The following MAGI2 variants were observed in gnomAD, a reference collection of about 807,000 sequenced individuals.
MAGI2 encodes membrane-associated guanylate kinase, WW and PDZ domain-containing protein 2.
A neutral mutation model predicts 133.3 loss-of-function variants in MAGI2; 35 were observed. That is an observed-to-expected ratio of 0.26 (90% CI 0.20 to 0.35). MAGI2 has a LOEUF of 0.35. Ranked by LOEUF, MAGI2 falls within the 10% of genes least tolerant of loss-of-function variation. The pLI is 1.00. For synonymous variants in MAGI2, 729 were observed against 710.6 expected (o/e 1.03, Z -0.41); for missense variants, 1,636 against 1,863.4 (o/e 0.88, Z 2.25).
At chr7:78,190,752 A>G (rs927107493) in intron 12 of MAGI2, among the ~76,000 whole-genome samples, 6 of 152,230 alleles carry the variant, frequency 3.9e-5, no homozygotes, top group Non-Finnish European at 5.9e-5. Context: ...GAAATGGCAT[A>G]TGTAGTCCAG....
chr7:78,445,996 TC>T (rs1788092560), intron 6 of MAGI2, among the ~76,000 whole-genome samples: 1 of 151,906 alleles, frequency 6.6e-6, no homozygotes, highest in South Asian at 2.1e-4. Flanking sequence ...TTGTGCTTTT[TC>T]CTCTTCTCTT....
At chr7:79,407,883 T>C (rs1019743055) in intron 1 of MAGI2, among the ~76,000 whole-genome samples, 4 of 152,086 alleles carry the variant, frequency 2.6e-5, no homozygotes, top group Admixed American at 6.6e-5. Flanking sequence ...TACAAATCTG[T>C]TTCTATATTG....
intron 19 of MAGI2, 142 bp downstream of exon 19, chr7:78,127,055 A>G (rs1821055557): frequency 5.0e-6 from 3 of 594,630 alleles, no homozygotes; most frequent in Non-Finnish European, 8.7e-6. Context: ...TGCAGGTGTT[A>G]CCCCGATGTT....
intron 1 of MAGI2, among the ~76,000 whole-genome samples, chr7:79,101,116 A>G (rs1004420230): frequency 6.6e-6 from 1 of 152,068 alleles, no homozygotes; most frequent in Non-Finnish European, 1.5e-5. Context: ...ATTTTTCTTT[A>G]CAAAAACATT....
chr7:78,781,327 C>G (rs1346845692), intron 2 of MAGI2, among the ~76,000 whole-genome samples: 1 of 143,274 alleles, frequency 7.0e-6, no homozygotes, highest in Non-Finnish European at 1.5e-5. Flanking sequence ...TGCAGTGAGC[C>G]GAGATGTCAC....
At chr7:78,444,582 A>ACAATAATACT (rs1787947447) in intron 6 of MAGI2, among the ~76,000 whole-genome samples, 1 of 152,034 alleles carries the variant, frequency 6.6e-6, no homozygotes, top group African/African-American at 2.4e-5. Context: ...ACTGATTAGT[A>ACAATAATACT]TTATTGTATT....
chr7:78,451,210 T>C (rs1451296102), intron 6 of MAGI2, among the ~76,000 whole-genome samples: 1 of 152,116 alleles, frequency 6.6e-6, no homozygotes, highest in African/African-American at 2.4e-5. Flanking sequence ...TGCCTATTTT[T>C]GTGCCCTTCC....
At chr7:79,169,513 T>C (rs1460695975) in intron 1 of MAGI2, among the ~76,000 whole-genome samples, 1 of 152,072 alleles carries the variant, frequency 6.6e-6, no homozygotes, top group Non-Finnish European at 1.5e-5. Flanking sequence ...GAAGACATAG[T>C]CTCACTGGCA....
At chr7:78,923,005 C>G (rs1270221208) in intron 2 of MAGI2, among the ~76,000 whole-genome samples, 1 of 152,114 alleles carries the variant, frequency 6.6e-6, no homozygotes. Context: ...TGAGAAGTGT[C>G]TGTTCATATC....
chr7:78,021,465 T>G (rs1231610378), intron 21 of MAGI2, among the ~76,000 whole-genome samples: 2 of 152,212 alleles, frequency 1.3e-5, no homozygotes, highest in African/African-American at 4.8e-5. Flanking sequence ...GTGATACTTG[T>G]GCATACTCAG....
intron 2 of MAGI2, among the ~76,000 whole-genome samples, chr7:78,800,408 G>A (rs1468374074): frequency 6.6e-6 from 1 of 151,990 alleles, no homozygotes; most frequent in Non-Finnish European, 1.5e-5. Context: ...GTTATCCTCT[G>A]TATTCAGATG....
intron 1 of MAGI2, among the ~76,000 whole-genome samples, chr7:79,191,451 C>T (rs1358353559): frequency 2.2e-5 from 2 of 92,896 alleles, no homozygotes; most frequent in East Asian, 7.2e-4. Flanking sequence ...TAGGGTCTCA[C>T]TGTGTCACCT....
chr7:79,023,900 G>A (rs982287736), intron 1 of MAGI2, among the ~76,000 whole-genome samples: 1 of 151,972 alleles, frequency 6.6e-6, no homozygotes, highest in Non-Finnish European at 1.5e-5. Context: ...TGTAAAAATG[G>A]CCATACTGCC....
chr7:78,689,504 C>T (rs906212558), intron 2 of MAGI2, among the ~76,000 whole-genome samples: 6 of 152,062 alleles, frequency 3.9e-5, no homozygotes, highest in African/African-American at 1.2e-4. Context: ...AATCTAATTA[C>T]GATTGATAAT....
At chr7:78,359,674 A>T (rs1792572321) in intron 7 of MAGI2, among the ~76,000 whole-genome samples, 1 of 152,220 alleles carries the variant, frequency 6.6e-6, no homozygotes, top group South Asian at 2.1e-4. Flanking sequence ...CATTAAAATA[A>T]AAGAATGGTA....
chr7:79,000,934 T>C (rs1806794837), intron 2 of MAGI2, among the ~76,000 whole-genome samples: 1 of 152,218 alleles, frequency 6.6e-6, no homozygotes, highest in South Asian at 2.1e-4. Context: ...TCACTGTTTT[T>C]TGAGATGGAA....
chr7:79,251,056 C>A (rs961037255), intron 1 of MAGI2, among the ~76,000 whole-genome samples: 1 of 152,140 alleles, frequency 6.6e-6, no homozygotes, highest in African/African-American at 2.4e-5. Context: ...TGAAACTAGA[C>A]CCTTACATCT....
chr7:78,330,615 CAAAAAAAA>C (rs4024122), intron 9 of MAGI2, among the ~76,000 whole-genome samples: 110 of 6,932 alleles, frequency 0.016, 2 homozygotes, highest in Non-Finnish European at 0.023. Context: ...GACTCCGTCT[CAAAAAAAA>C]AAAAAAAAAA....
chr7:79,185,516 A>ATT (rs71095383), intron 1 of MAGI2, among the ~76,000 whole-genome samples: 9,851 of 126,512 alleles, frequency 0.078, 939 homozygotes, highest in African/African-American at 0.21. Context: ...CAATTTGGTC[A>ATT]TTTTTTTTTT....
Sources: gnomAD v4.1 joint callset for allele counts (sites outside exome capture counted in the v4.1 genomes callset) on GRCh38, gnomAD v4.1.1 for gene constraint, MANE v1.5 for transcripts, NCBI Gene and HGNC (gene_info 2026-07-23, HGNC 2026-07-21) for gene names.